TRIM45: variants seen among roughly 807,000 people sequenced by gnomAD.
The protein encoded by TRIM45 is tripartite motif containing 45.
TRIM45 carries 45 observed loss-of-function variants against 46.7 expected under a neutral mutation model. That is an observed-to-expected ratio of 0.96 (90% CI 0.76 to 1.24). TRIM45 has a LOEUF of 1.24. Ranked by LOEUF, TRIM45 falls within the 50% of genes most tolerant of loss-of-function variation. TRIM45 has a pLI of 0.00. For synonymous variants in TRIM45, 259 were observed against 285.8 expected, an observed-to-expected ratio of 0.91 and a Z score of 0.94; for missense variants, 680 against 728.4, an observed-to-expected ratio of 0.93 and a Z score of 0.77.
At chr1:117,123,913 G>A (rs538875884), upstream of TRIM45, among the ~76,000 whole-genome samples, 3 of 152,178 alleles carry the variant, frequency 2.0e-5, no homozygotes, top group East Asian at 5.8e-4. Flanking sequence ...TTACAGGCGT[G>A]AGCCACCGCG....
intron 5 of TRIM45, among the ~76,000 whole-genome samples, chr1:117,112,842 G>C (rs1557844934): frequency 6.6e-6 from 1 of 152,122 alleles, no homozygotes; most frequent in Non-Finnish European, 1.5e-5. Flanking sequence ...TTATACAGAA[G>C]GATGCAAAAG....
chr1:117,121,945 G>C (rs1048288474), upstream of TRIM45: 1 of 676,398 alleles, frequency 1.5e-6, no homozygotes. This position sits in a 1 kb window ranked among gnomAD's most constrained non-coding sequence, Gnocchi z 4.2. Flanking sequence ...GGGCGGGGCG[G>C]CCGAAGGGCT....
Position 117,118,586 on chromosome 1 carries a change from A to C in TRIM45, c.670T>G (p.Cys224Gly). The C allele has an allele frequency of 6.2e-7, 1 of 1,614,150 alleles. No homozygotes were observed. The highest frequency in any genetic ancestry group is 8.5e-7 in the Non-Finnish European group (1 of 1,180,036). Residue 224 changes from cysteine to glycine, a missense_variant, in exon 2 of 6, where the codon TGT becomes GGT. Cys to Gly is a radical substitution (Grantham distance 159). Transcript: ENST00000256649. This position sits in a 1 kb window ranked among gnomAD's most constrained non-coding sequence, Gnocchi z 5.7. ...CVVGEHREHP[C>G]DFTSNVIHKH... ...TGGATGACATTGCTGGTGAAGTCAC[A>C]GGGGTGTTCCCGATGCTCCCCCACC...
At chr1:117,122,304 A>G (rs940823170), upstream of TRIM45, 2 of 153,428 alleles carry the variant, frequency 1.3e-5, no homozygotes, top group African/African-American at 4.8e-5. Flanking sequence ...TCAGGCGCTT[A>G]CTGTAGCTCA....
upstream of TRIM45, among the ~76,000 whole-genome samples, chr1:117,123,203 A>G (rs1395544388): frequency 6.6e-6 from 1 of 152,166 alleles, no homozygotes; most frequent in African/African-American, 2.4e-5. Flanking sequence ...CCTTACCTAG[A>G]TTTTTTTCAG....
At position 117,111,101 on chromosome 1, in the gene TRIM45, C is replaced by A. The variant is rs965589812; in HGVS notation, c.*1204G>T. 2.0e-5 allele frequency: 3 copies of A among 152,154 alleles called. No individual in the cohort carries two copies. The highest frequency in any genetic ancestry group is 6.5e-5 in the Admixed American group (1 of 15,278). 9.4% of individuals were successfully genotyped at this position (152,154 alleles called of 1,614,324 possible). A position where few individuals can be genotyped will look rare whatever the true frequency, so the allele number is the denominator to read the frequency against. On this transcript the variant is annotated 3_prime_UTR_variant, in exon 6 of 6. Coordinates refer to ENST00000256649, the MANE Select transcript of TRIM45 (RefSeq NM_025188.4). ...CTGAGTTTATTGCCATATAAGAAAT[C>A]AAGAGTTTCAGAAGAACACACAAAA...
Position 117,120,939 on chromosome 1 carries a change from G to A in TRIM45, c.263C>T (p.Ser88Leu), listed in dbSNP as rs41296182. 3.1e-6 allele frequency: 5 copies of A among 1,614,160 alleles called. No individual in the cohort carries two copies. Among genetic ancestry groups the A allele is most frequent in the Non-Finnish European group, 4.2e-6 (5 of 1,180,028 alleles). Residue 88 changes from serine (S) to leucine (L), a missense_variant, in exon 1 of 6, where the codon TCG becomes TTG. This residue lies in a region of TRIM45 where 349 missense variants were observed against 343.6 expected (regional missense o/e 1.02). Transcript: ENST00000256649. The part of the protein sequence containing the change: ...FQELKPRSLQ[S>L]QIGILCPVCD... ...TACAGGACAAAGGATGCCGATCTGCGACTGCAGACTTCGTGGCTTGAGTTC... is the reference window on the plus strand; with the variant it reads ...TACAGGACAAAGGATGCCGATCTGCAACTGCAGACTTCGTGGCTTGAGTTC...
chr1:117,122,594 G>A (rs927860663), upstream of TRIM45: 1 of 152,254 alleles, frequency 6.6e-6, no homozygotes, highest in African/African-American at 2.4e-5. Flanking sequence ...TAACAGAAAC[G>A]AGCTGAGCGA....
At chr1:117,112,636 T>C (rs1228289891) in intron 5 of TRIM45, among the ~76,000 whole-genome samples, 183 bp from the exon 6 acceptor site, 1 of 152,210 alleles carries the variant, frequency 6.6e-6, no homozygotes, top group Non-Finnish European at 1.5e-5. Context: ...ACCCTGAGAA[T>C]TGATCACAGC....
intron 5 of TRIM45, 138 bp from the exon 6 acceptor site, chr1:117,112,591 G>A (rs1385529695): frequency 7.4e-6 from 6 of 811,542 alleles, no homozygotes; most frequent in Admixed American, 3.0e-5. Context: ...CTTGGCAAGA[G>A]GAACAAGCTG....
Position 117,115,749 on chromosome 1 carries a change from T to C in TRIM45, c.1353-60A>G. The C allele has an allele frequency of 1.8e-6, 2 of 1,139,382 alleles. No individual in the cohort carries two copies. The highest frequency in any genetic ancestry group is 3.4e-5 in the Admixed American group (2 of 58,346). The allele number at this position is 1,139,382 out of a possible 1,614,324, so 70.6% of individuals were successfully genotyped here. A position where few individuals can be genotyped will look rare whatever the true frequency, so the allele number is the denominator to read the frequency against. On this transcript the variant is annotated intron_variant, in intron 3 of 5. Transcript: ENST00000256649. The surrounding 1 kb of genome is among the most constrained non-coding windows in gnomAD (Gnocchi z 4.2). Reference sequence around the variant, plus strand: ...TCCACAAGCTGGCTTCAGTTGCTACTATTTCAGAATGTAAACTCTACACCA... The same window carrying C: ...TCCACAAGCTGGCTTCAGTTGCTACCATTTCAGAATGTAAACTCTACACCA...
chr1:117,121,405 T>A lies in TRIM45; in HGVS notation c.-204A>T. The stretch of plus-strand genomic sequence containing the variant: ...CACAGATCTACTCAGGAGGGCCCCC[T>A]CCTTTCCACTGCATCCCACACCAGA... On this transcript the variant is annotated 5_prime_UTR_variant, in exon 1 of 6. Coordinates refer to ENST00000256649, the MANE Select transcript of TRIM45 (RefSeq NM_025188.4). This position sits in a 1 kb window ranked among gnomAD's most constrained non-coding sequence, Gnocchi z 4.2. 1.7e-6 allele frequency: 1 copy of A among 585,724 alleles called. No individual in the cohort carries two copies. The highest frequency in any genetic ancestry group is 2.5e-5 in the South Asian group (1 of 39,302). 36.3% of individuals were successfully genotyped at this position (585,724 alleles called of 1,614,324 possible). A position where few individuals can be genotyped will look rare whatever the true frequency, so the allele number is the denominator to read the frequency against.
chr1:117,112,572 T>A, intron 5 of TRIM45, 119 bp from the exon 6 acceptor site: 1 of 1,015,018 alleles, frequency 9.9e-7, no homozygotes, highest in Non-Finnish European at 1.4e-6. Flanking sequence ...TGAAAATATC[T>A]AAGAAAATCT....
chr1:117,115,785 T>G lies in TRIM45; in HGVS notation c.1353-96A>C. 1.3e-6 allele frequency: 1 copy of G among 774,366 alleles called. No homozygotes were observed. The highest frequency in any genetic ancestry group is 2.2e-6 in the Non-Finnish European group (1 of 455,796). The allele number at this position is 774,366 out of a possible 1,614,324, so 48.0% of individuals were successfully genotyped here. Reference sequence around the variant, plus strand: ...GTAAACTCTACACCATCCCATTCAGTATTAATGTTAAATATACCCAAACAG... The same window carrying G: ...GTAAACTCTACACCATCCCATTCAGGATTAATGTTAAATATACCCAAACAG... On this transcript the variant is annotated intron_variant, in intron 3 of 5. Coordinates refer to ENST00000256649, the MANE Select transcript of TRIM45 (RefSeq NM_025188.4). The surrounding 1 kb of genome is among the most constrained non-coding windows in gnomAD (Gnocchi z 4.2).
Position 117,118,462 on chromosome 1 carries a change from G to A in TRIM45, c.794C>T (p.Ala265Val), listed in dbSNP as rs1650494099. 3 of 1,613,998 alleles carry A rather than the reference G, an allele frequency of 1.9e-6. No homozygotes were observed. The highest frequency in any genetic ancestry group is 1.3e-5 in the African/African-American group (1 of 74,894). Residue 265 changes from alanine (A) to valine (V), a missense_variant, in exon 2 of 6, where the codon GCC (alanine) becomes GTC (valine). Coordinates refer to ENST00000256649, the MANE Select transcript of TRIM45 (RefSeq NM_025188.4). The surrounding 1 kb of genome is among the most constrained non-coding windows in gnomAD (Gnocchi z 5.7). ...ALAQIHIINS[A>V]LQKRVEAVAA... ...CACTGCCTCCACTCGCTTCTGGAGG[G>A]CACTGTTTATTATGTGGATCTGAGC...
chr1:117,123,670 C>T (rs1650751761), upstream of TRIM45, among the ~76,000 whole-genome samples: 1 of 150,704 alleles, frequency 6.6e-6, no homozygotes, highest in Admixed American at 6.6e-5. Context: ...GCTCTTGTTG[C>T]CTAGGCCGGA....
Position 117,115,395 on chromosome 1 carries a change from T to A in TRIM45, c.1467+180A>T, listed in dbSNP as rs747478845. 6.6e-6 allele frequency among the ~76,000 whole-genome samples: 1 copy of A among 152,200 alleles called. No individual in the cohort carries two copies. Among genetic ancestry groups the A allele is most frequent in the Non-Finnish European group, 1.5e-5 (1 of 68,026 alleles). ...GTGACACAGGGATACAGGGTTCTTA[T>A]GGTCAACAGCATCCTCCAGGAAGAA... On this transcript the variant is annotated intron_variant, in intron 4 of 5. Coordinates refer to ENST00000256649, the MANE Select transcript of TRIM45 (RefSeq NM_025188.4). This position sits in a 1 kb window ranked among gnomAD's most constrained non-coding sequence, Gnocchi z 4.2.
chr1:117,115,742 T>C lies in TRIM45; in HGVS notation c.1353-53A>G. 8.1e-7 allele frequency: 1 copy of C among 1,237,728 alleles called. No homozygotes were observed. The highest frequency in any genetic ancestry group is 1.9e-4 in the Middle Eastern group (1 of 5,282). The allele number at this position is 1,237,728 out of a possible 1,614,324, so 76.7% of individuals were successfully genotyped here. ...ACTCACTTCCACAAGCTGGCTTCAG[T>C]TGCTACTATTTCAGAATGTAAACTC... On this transcript the variant is annotated intron_variant, in intron 3 of 5. Coordinates refer to ENST00000256649, the MANE Select transcript of TRIM45 (RefSeq NM_025188.4). The surrounding 1 kb of genome is among the most constrained non-coding windows in gnomAD (Gnocchi z 4.2).
At position 117,121,311 on chromosome 1, in the gene TRIM45, C is replaced by T. The variant is rs900144798; in HGVS notation, c.-110G>A. On this transcript the variant is annotated 5_prime_UTR_variant, in exon 1 of 6. Coordinates refer to ENST00000256649, the MANE Select transcript of TRIM45 (RefSeq NM_025188.4). The surrounding 1 kb of genome is among the most constrained non-coding windows in gnomAD (Gnocchi z 4.2). ...AAAGTCTCCAGAACTTGAACAGAGA[C>T]CATGGGGACTCCCTCGCTGACAAAT... The T allele has an allele frequency of 3.1e-6, 4 of 1,311,208 alleles. No individual in the cohort carries two copies. Among genetic ancestry groups the T allele is most frequent in the Non-Finnish European group, 4.1e-6 (4 of 967,718 alleles). 81.2% of individuals were successfully genotyped at this position (1,311,208 alleles called of 1,614,324 possible). A position where few individuals can be genotyped will look rare whatever the true frequency, so the allele number is the denominator to read the frequency against.
Sources: gnomAD v4.1 joint callset for allele counts (sites outside exome capture counted in the v4.1 genomes callset) on GRCh38, gnomAD v4.1.1 for gene constraint, gnomAD v4.1.1 regional missense constraint, Gnocchi (gnomAD v3.1) non-coding constraint, MANE v1.5 for transcripts, NCBI Gene and HGNC (gene_info 2026-07-23, HGNC 2026-07-21) for gene names.